Variants in GPR137C observed in about 807,000 individuals in gnomAD.
GPR137C encodes the protein integral membrane protein GPR137C.
A neutral mutation model predicts 43.4 loss-of-function variants in GPR137C; 27 were observed. The ratio of observed to expected loss-of-function variants is 0.62; its 90% CI spans 0.46 to 0.86. The LOEUF is 0.86. Ranked by LOEUF, GPR137C falls within the 40% of genes least tolerant of loss-of-function variation. GPR137C has a pLI of 0.00. For missense variants in GPR137C, 522 were observed against 534.6 expected, an observed-to-expected ratio of 0.98 and a Z score of 0.23; for synonymous variants, 285 against 226.9, an observed-to-expected ratio of 1.26 and a Z score of -2.30.
Position 52,553,471 on chromosome 14 carries a change from C to T in GPR137C, c.324C>T (p.Gly108=), listed in dbSNP as rs921245476. The T allele has an allele frequency of 2.5e-6, 4 of 1,608,744 alleles. No individual in the cohort carries two copies. The highest frequency in any genetic ancestry group is 2.5e-6 in the Non-Finnish European group (3 of 1,179,806). ...TLFSAAFSLS[G]SLPLLRPPAH... ...TCTCCGCCGCCTTCTCGCTCAGCGG[C>T]TCCCTGCCCTTGCTCCGGCCGCCCG... is the stretch of plus-strand genomic sequence containing the variant. The change falls in exon 1 of 7, where the codon GGC becomes GGT. Residue 108 remains glycine, a synonymous_variant. Coordinates refer to ENST00000321662, the MANE Select transcript of GPR137C (RefSeq NM_001099652.2).
chr14:52,610,464 A>G (rs2039026639), intron 3 of GPR137C, among the ~76,000 whole-genome samples: 1 of 152,216 alleles, frequency 6.6e-6, no homozygotes, highest in African/African-American at 2.4e-5. Flanking sequence ...AGAGATGACC[A>G]CATTCACATA....
At chr14:52,571,523 A>T (rs1173489917) in intron 1 of GPR137C, among the ~76,000 whole-genome samples, 1 of 152,014 alleles carries the variant, frequency 6.6e-6, no homozygotes, top group African/African-American at 2.4e-5. Context: ...AAATATAAAC[A>T]ATTAGCTGGG....
chr14:52,594,872 T>G (rs976151916), intron 1 of GPR137C, among the ~76,000 whole-genome samples: 4 of 152,222 alleles, frequency 2.6e-5, no homozygotes, highest in Non-Finnish European at 5.9e-5. Flanking sequence ...TGATGTTAGC[T>G]GGTTATTTTG....
intron 1 of GPR137C, among the ~76,000 whole-genome samples, chr14:52,582,779 G>C (rs916007048): frequency 6.6e-6 from 1 of 151,988 alleles, no homozygotes; most frequent in African/African-American, 2.4e-5. Context: ...GGGCAACAGA[G>C]TGAGACTCTG....
At chr14:52,622,900 A>G (rs2039176624) in intron 3 of GPR137C, among the ~76,000 whole-genome samples, 2 of 152,068 alleles carry the variant, frequency 1.3e-5, no homozygotes, top group South Asian at 2.1e-4. Context: ...TTTAAGTACA[A>G]GTGCATGGTA....
chr14:52,576,412 A>G (rs1461656348), intron 1 of GPR137C, among the ~76,000 whole-genome samples: 1 of 152,230 alleles, frequency 6.6e-6, no homozygotes, highest in African/African-American at 2.4e-5. Flanking sequence ...TATTATGAAT[A>G]GTGCTGTGAT....
chr14:52,572,888 C>T (rs915875753), intron 1 of GPR137C, among the ~76,000 whole-genome samples: 3 of 152,182 alleles, frequency 2.0e-5, no homozygotes, highest in Non-Finnish European at 4.4e-5. Context: ...TGACAAGCAA[C>T]TTCAGCAAAG....
At chr14:52,595,636 C>T (rs1487283404) in intron 1 of GPR137C, among the ~76,000 whole-genome samples, 1 of 152,114 alleles carries the variant, frequency 6.6e-6, no homozygotes, top group African/African-American at 2.4e-5. Context: ...GCATGCATCA[C>T]GAAGTTCTCA....
chr14:52,572,725 T>C (rs993371003), intron 1 of GPR137C, among the ~76,000 whole-genome samples: 5 of 152,130 alleles, frequency 3.3e-5, no homozygotes, highest in Non-Finnish European at 5.9e-5. Context: ...CTATTCAACA[T>C]AGTATTGGAA....
intron 3 of GPR137C, among the ~76,000 whole-genome samples, chr14:52,624,163 G>A (rs60255369): frequency 0.011 from 1,714 of 149,160 alleles, 34 homozygotes; most frequent in African/African-American, 0.038. Context: ...CATGGTATAC[G>A]TATTCTTGTG....
intron 1 of GPR137C, among the ~76,000 whole-genome samples, chr14:52,561,862 G>A (rs915823957): frequency 1.3e-5 from 2 of 152,182 alleles, no homozygotes; most frequent in East Asian, 3.9e-4. Flanking sequence ...GTGAAATTTA[G>A]TGGGTGGGGA....
chr14:52,570,984 C>A (rs2038458708), intron 1 of GPR137C, among the ~76,000 whole-genome samples: 1 of 152,162 alleles, frequency 6.6e-6, no homozygotes, highest in Admixed American at 6.5e-5. Flanking sequence ...CTGAACCAAG[C>A]AGACCTAATA....
At position 52,634,531 on chromosome 14, in the gene GPR137C, C is replaced by A. The variant is rs114955534; in HGVS notation, c.1113-407C>A. On this transcript the variant is annotated intron_variant, in intron 6 of 6. Transcript: ENST00000321662. The stretch of plus-strand genomic sequence containing the variant: ...AGTTATATAACCTCAGTTTTTTGAA[C>A]CTGCTTTTCATCTGTAAGACAGGGA... 5.5e-3 allele frequency among the ~76,000 whole-genome samples: 841 copies of A among 152,060 alleles called. 4 individuals are homozygous for A. Among genetic ancestry groups the A allele is most frequent in the African/African-American group, 0.019 (798 of 41,492 alleles).
At position 52,608,427 on chromosome 14, in the gene GPR137C, A is replaced by G. The variant is rs183934874; in HGVS notation, c.717+8086A>G. Among the ~76,000 whole-genome samples the G allele has an allele frequency of 6.8e-4, 104 of 152,338 alleles. 1 individual carries two copies. The highest frequency in any genetic ancestry group is 4.6e-3 in the East Asian group (24 of 5,190). ...CTCTTCCCCACATTTTGAACGTTTG[A>G]TGGCACAATTTGCATTTTTATATTG... On this transcript the variant is annotated intron_variant, in intron 3 of 6. Coordinates refer to ENST00000321662, the MANE Select transcript of GPR137C (RefSeq NM_001099652.2).
chr14:52,619,616 T>G (rs2039137026), intron 3 of GPR137C, among the ~76,000 whole-genome samples: 1 of 152,152 alleles, frequency 6.6e-6, no homozygotes, highest in Non-Finnish European at 1.5e-5. Flanking sequence ...TATCTTCTCC[T>G]AAGCCTAAGT....
chr14:52,585,285 T>C (rs2038698521), intron 1 of GPR137C, among the ~76,000 whole-genome samples: 1 of 152,236 alleles, frequency 6.6e-6, no homozygotes, highest in Admixed American at 6.5e-5. Flanking sequence ...CTCTCTTGAC[T>C]CAAAAGTGTC....
intron 3 of GPR137C, among the ~76,000 whole-genome samples, chr14:52,620,156 G>A (rs970412300): frequency 5.3e-5 from 8 of 152,044 alleles, no homozygotes; most frequent in African/African-American, 1.9e-4. Flanking sequence ...AGCCAAAACT[G>A]GAAGAGAAAT....
At chr14:52,555,545 T>C (rs2038179895) in intron 1 of GPR137C, among the ~76,000 whole-genome samples, 2 of 152,236 alleles carry the variant, frequency 1.3e-5, no homozygotes, top group Non-Finnish European at 2.9e-5. Flanking sequence ...TATGCTTATA[T>C]AGCATAGAAT....
At chr14:52,578,101 A>G (rs1481924951) in intron 1 of GPR137C, among the ~76,000 whole-genome samples, 1 of 152,150 alleles carries the variant, frequency 6.6e-6, no homozygotes, top group Non-Finnish European at 1.5e-5. Flanking sequence ...TCTGAAAATA[A>G]TAGGTTATTC....
Sources: allele counts gnomAD v4.1 joint callset (sites outside exome capture counted in the v4.1 genomes callset), GRCh38; gene constraint gnomAD v4.1.1; transcripts MANE v1.5; gene names NCBI Gene and HGNC (gene_info 2026-07-23, HGNC 2026-07-21).